The following DYM variants were observed in gnomAD, a reference collection of about 807,000 sequenced individuals.
The protein encoded by DYM is dyggve-Melchior-Clausen syndrome protein.
Under a neutral mutation model 93.1 loss-of-function variants are expected in DYM, and 78 were observed. That is an observed-to-expected ratio of 0.84 (90% CI 0.70 to 1.01). DYM has a LOEUF of 1.01. DYM is among the 50% of genes least tolerant of loss of function. The pLI is 0.00. For synonymous variants in DYM, 321 were observed against 319.7 expected (o/e 1.00, Z -0.04); for missense variants, 789 against 845.0 (o/e 0.93, Z 0.82).
Position 49,363,171 on chromosome 18 carries a change from T to C in DYM, c.484A>G (p.Ile162Val), listed in dbSNP as rs545077285. The C allele has an allele frequency of 5.6e-6, 9 of 1,613,498 alleles. No individual in the cohort carries two copies. The East Asian group carries it at 1.1e-4, about 20-fold the overall frequency. ...CTAGCCAGAACTTACAAGAGTGGAA[T>C]ATCAGTGATCAACTGCATCAAACAG... Reference protein sequence around the residue: ...LCCLMQLITDIPLLDITYEIS... With the variant: ...LCCLMQLITDVPLLDITYEIS... Residue 162 changes from isoleucine to valine, a missense_variant, in exon 6 of 18, where the codon ATT (isoleucine) becomes GTT (valine). Ile to Val is a conservative substitution (Grantham distance 29). This residue lies in a region of DYM where 450 missense variants were observed against 436.2 expected (regional missense o/e 1.03). Coordinates refer to ENST00000675505, the MANE Select transcript of DYM (RefSeq NM_001353214.3).
chr18:49,303,900 A>T (rs1465922513), intron 8 of DYM, among the ~76,000 whole-genome samples: 2 of 152,198 alleles, frequency 1.3e-5, no homozygotes, highest in East Asian at 3.8e-4. Context: ...ATCCTAACTA[A>T]GTCTCCTACA....
intron 16 of DYM, among the ~76,000 whole-genome samples, chr18:49,112,917 C>G (rs1028709314): frequency 1.3e-5 from 2 of 152,120 alleles, no homozygotes; most frequent in Non-Finnish European, 2.9e-5. Context: ...TTGGCTCAAA[C>G]GCACCTGATT....
intron 13 of DYM, among the ~76,000 whole-genome samples, chr18:49,239,727 C>A (rs1423658056): frequency 1.3e-5 from 2 of 152,228 alleles, no homozygotes; most frequent in African/African-American, 2.4e-5. Flanking sequence ...GATGGGAGCA[C>A]ACTGGACACC....
intron 13 of DYM, among the ~76,000 whole-genome samples, chr18:49,255,203 A>G (rs1469868549): frequency 6.6e-6 from 1 of 152,246 alleles, no homozygotes; most frequent in East Asian, 1.9e-4. Context: ...ATCAGCATTT[A>G]AAAGTGATAC....
At chr18:49,164,473 TG>T (rs1442673995) in intron 14 of DYM, among the ~76,000 whole-genome samples, 1 of 152,196 alleles carries the variant, frequency 6.6e-6, no homozygotes, top group Non-Finnish European at 1.5e-5. Flanking sequence ...TTGCAGACTA[TG>T]GTCCAGGAAG....
chr18:49,235,242 C>T (rs1568072449), intron 13 of DYM, among the ~76,000 whole-genome samples: 1 of 152,174 alleles, frequency 6.6e-6, no homozygotes, highest in East Asian at 1.9e-4. Flanking sequence ...AGCAGAGCCT[C>T]CTTATCAGTC....
chr18:49,075,612 G>C (rs934510075), intron 17 of DYM, among the ~76,000 whole-genome samples: 1 of 152,176 alleles, frequency 6.6e-6, no homozygotes, highest in African/African-American at 2.4e-5. Context: ...CCACTGGTAC[G>C]AGGAAAACTA....
At chr18:49,045,664 CA>C (rs2071388984) in intron 17 of DYM, among the ~76,000 whole-genome samples, 9 of 152,200 alleles carry the variant, frequency 5.9e-5, no homozygotes, top group Admixed American at 3.9e-4. Context: ...AACAAAAAAC[CA>C]ATAATAACAG....
chr18:49,174,907 G>A (rs2089209599), intron 14 of DYM, among the ~76,000 whole-genome samples: 1 of 151,998 alleles, frequency 6.6e-6, no homozygotes, highest in Non-Finnish European at 1.5e-5. Context: ...TAACAAATAC[G>A]GAAAACATGT....
At chr18:49,386,799 G>C (rs149486278) in intron 3 of DYM, among the ~76,000 whole-genome samples, 1 of 152,240 alleles carries the variant, frequency 6.6e-6, no homozygotes, top group Non-Finnish European at 1.5e-5. Flanking sequence ...GTGCTTCAAA[G>C]ACATGGCATT....
intron 15 of DYM, among the ~76,000 whole-genome samples, chr18:49,144,467 A>G (rs1383242336): frequency 6.6e-6 from 1 of 152,164 alleles, no homozygotes; most frequent in Non-Finnish European, 1.5e-5. Context: ...TAATTCTATC[A>G]TTTCTTTTTC....
Position 49,443,794 on chromosome 18 carries a change from T to G in DYM, c.-53-13347A>C, listed in dbSNP as rs188729973. Among the ~76,000 whole-genome samples the G allele has an allele frequency of 2.0e-5, 3 of 152,336 alleles. No homozygotes were observed. The East Asian group carries it at 5.8e-4, about 29-fold the overall frequency. Reference sequence around the variant, plus strand: ...CCGAAGTAAATTTCCAAATGGCTCATTTGTTAAGCAAGCAAGGAAAGTATT... The same window carrying G: ...CCGAAGTAAATTTCCAAATGGCTCAGTTGTTAAGCAAGCAAGGAAAGTATT... On this transcript the variant is annotated intron_variant, in intron 1 of 17. Transcript: ENST00000675505.
At chr18:49,360,858 A>C (rs184891981) in intron 6 of DYM, among the ~76,000 whole-genome samples, 23 of 152,348 alleles carry the variant, frequency 1.5e-4, no homozygotes, top group African/African-American at 5.3e-4. Context: ...TAATAGTTTC[A>C]TATTGTCACC....
intron 7 of DYM, 31 bp from the exon 8 acceptor site, chr18:49,332,037 A>G (rs1261145765): frequency 1.2e-5 from 19 of 1,602,232 alleles, no homozygotes; most frequent in Non-Finnish European, 1.5e-5. Flanking sequence ...AATCAAACTC[A>G]TATTTATGGG....
chr18:49,360,787 G>A (rs538511226), intron 6 of DYM, among the ~76,000 whole-genome samples: 2 of 152,172 alleles, frequency 1.3e-5, no homozygotes, highest in Non-Finnish European at 2.9e-5. Context: ...GCCTAAGCAA[G>A]ATAGGTATCT....
At chr18:49,131,869 T>TA (rs1382845281) in intron 15 of DYM, among the ~76,000 whole-genome samples, 4 of 152,074 alleles carry the variant, frequency 2.6e-5, no homozygotes, top group African/African-American at 7.2e-5. Context: ...CAAAAGGACA[T>TA]ACCAGAATGT....
chr18:49,189,582 C>T (rs1459772285), intron 14 of DYM, among the ~76,000 whole-genome samples: 1 of 152,088 alleles, frequency 6.6e-6, no homozygotes, highest in Non-Finnish European at 1.5e-5. Context: ...AAAATAAATC[C>T]AAATAACCCA....
chr18:49,309,142 C>T (rs1005457421), intron 8 of DYM, among the ~76,000 whole-genome samples: 11 of 151,058 alleles, frequency 7.3e-5, no homozygotes, highest in African/African-American at 2.7e-4. Context: ...ATTTAAATAT[C>T]TATGAAAGTT....
chr18:49,360,741 G>C (rs1367526660), intron 6 of DYM, among the ~76,000 whole-genome samples: 1 of 152,116 alleles, frequency 6.6e-6, no homozygotes, highest in East Asian at 1.9e-4. Context: ...TCCCTTCCCT[G>C]ATCTGACCAC....
Sources: gnomAD v4.1 joint callset for allele counts (sites outside exome capture counted in the v4.1 genomes callset) on GRCh38, gnomAD v4.1.1 for gene constraint, gnomAD v4.1.1 regional missense constraint, MANE v1.5 for transcripts, NCBI Gene and HGNC (gene_info 2026-07-23, HGNC 2026-07-21) for gene names.